GSK3B: variants seen among roughly 807,000 people sequenced by gnomAD.
GSK3B encodes glycogen synthase kinase 3 beta.
A neutral mutation model predicts 56.4 loss-of-function variants in GSK3B; 15 were observed. The observed-to-expected ratio is 0.27, with a 90% CI of 0.18 to 0.41. GSK3B has a LOEUF of 0.41. Ranked by LOEUF, GSK3B falls within the 10% of genes least tolerant of loss-of-function variation. The pLI is 1.00. For missense variants in GSK3B, 300 were observed against 513.4 expected (o/e 0.58, Z 4.02); for synonymous variants, 181 against 188.9 (o/e 0.96, Z 0.34).
At chr3:119,835,290 T>A (rs1201877773) in intron 10 of GSK3B, among the ~76,000 whole-genome samples, 1 of 152,208 alleles carries the variant, frequency 6.6e-6, no homozygotes, top group Non-Finnish European at 1.5e-5. Flanking sequence ...AATTTGACAT[T>A]AAACTTTAAA....
intron 10 of GSK3B, among the ~76,000 whole-genome samples, chr3:119,833,711 T>TTTTTAGACAGG (rs2055641818): frequency 6.7e-6 from 1 of 149,448 alleles, no homozygotes; most frequent in Non-Finnish European, 1.5e-5. Flanking sequence ...TTTTTTTTTT[T>TTTTTAGACAGG]TTTAGACAGG....
At chr3:120,065,660 A>G (rs2058271960) in intron 1 of GSK3B, among the ~76,000 whole-genome samples, 1 of 152,230 alleles carries the variant, frequency 6.6e-6, no homozygotes, top group Non-Finnish European at 1.5e-5. Flanking sequence ...TTGTACACAA[A>G]TGTTCACAGC....
At chr3:119,863,734 G>A (rs2056140130) in intron 8 of GSK3B, 129 bp from the exon 9 acceptor site, 1 of 609,764 alleles carries the variant, frequency 1.6e-6, no homozygotes, top group Non-Finnish European at 2.9e-6. Flanking sequence ...GGACCTTCTA[G>A]AATGGAAAGA....
At chr3:119,994,984 A>C (rs2057600660) in intron 2 of GSK3B, among the ~76,000 whole-genome samples, 1 of 152,098 alleles carries the variant, frequency 6.6e-6, no homozygotes, top group South Asian at 2.1e-4. Flanking sequence ...GACACTGAAT[A>C]ATTTAGGGAT....
At chr3:120,029,336 A>T in intron 1 of GSK3B, 2 of 743,906 alleles carry the variant, frequency 2.7e-6, no homozygotes, top group Non-Finnish European at 5.0e-6. Flanking sequence ...CATCTAATCC[A>T]GCCTCAAAAG....
At chr3:119,843,411 A>G in intron 9 of GSK3B, 58 bp from the exon 10 acceptor site, 2 of 912,572 alleles carry the variant, frequency 2.2e-6, no homozygotes, top group Non-Finnish European at 3.5e-6. Context: ...ATGCAAAACT[A>G]TTTTATTGGT....
At chr3:119,984,715 A>G (rs969833958) in intron 2 of GSK3B, among the ~76,000 whole-genome samples, 1 of 152,224 alleles carries the variant, frequency 6.6e-6, no homozygotes, top group Non-Finnish European at 1.5e-5. Context: ...AAATTGAGGC[A>G]ATGATTAATA....
intron 1 of GSK3B, among the ~76,000 whole-genome samples, chr3:120,056,508 T>A (rs1421293235): frequency 6.6e-6 from 1 of 152,070 alleles, no homozygotes; most frequent in African/African-American, 2.4e-5. Context: ...CCCAGCTAAT[T>A]TTTGTATTTT....
rs2055443443 is a variant in GSK3B at position 119,823,309 on chromosome 3, G to A, written c.*3479C>T. ...TATTTCATTGAGCAAGGGTAGAGAT[G>A]GCGGGAGGGAGGAAATGGGCTAAGA... On this transcript the variant is annotated 3_prime_UTR_variant, in exon 11 of 11. Transcript: ENST00000264235. The A allele has an allele frequency of 9.6e-6, 2 of 208,196 alleles. No homozygotes were observed. The highest frequency in any genetic ancestry group is 4.6e-5 in the African/African-American group (2 of 43,956). The allele number at this position is 208,196 out of a possible 1,614,324, so 12.9% of individuals were successfully genotyped here.
At chr3:119,955,636 T>C (rs1231168696) in intron 2 of GSK3B, among the ~76,000 whole-genome samples, 2 of 144,080 alleles carry the variant, frequency 1.4e-5, no homozygotes, top group Non-Finnish European at 3.0e-5. Flanking sequence ...GATTGGTTTT[T>C]TTTGCTTTTG....
At chr3:119,913,863 A>C (rs572769876) in intron 5 of GSK3B, among the ~76,000 whole-genome samples, 1 of 152,232 alleles carries the variant, frequency 6.6e-6, no homozygotes, top group South Asian at 2.1e-4. Flanking sequence ...TAACCATTTC[A>C]TAAATTAATA....
intron 7 of GSK3B, among the ~76,000 whole-genome samples, chr3:119,882,455 A>G (rs2056390739): frequency 6.6e-6 from 1 of 152,102 alleles, no homozygotes; most frequent in Non-Finnish European, 1.5e-5. Context: ...TCCACTATCC[A>G]TATTCTCCAA....
At chr3:119,830,943 T>C (rs1051066422) in intron 10 of GSK3B, among the ~76,000 whole-genome samples, 4 of 152,144 alleles carry the variant, frequency 2.6e-5, no homozygotes, top group Non-Finnish European at 4.4e-5. Context: ...AAAATACATA[T>C]ATTTATAATC....
At chr3:119,891,770 G>A (rs2056504923) in intron 7 of GSK3B, among the ~76,000 whole-genome samples, 2 of 152,004 alleles carry the variant, frequency 1.3e-5, no homozygotes, top group African/African-American at 4.8e-5. Context: ...TACAAAAGAG[G>A]GGGGAATTTT....
chr3:120,023,566 C>G (rs2057897622), intron 1 of GSK3B, among the ~76,000 whole-genome samples: 1 of 152,026 alleles, frequency 6.6e-6, no homozygotes, highest in Admixed American at 6.6e-5. Context: ...GCCATCTGAC[C>G]TATTACTCTT....
chr3:119,926,862 T>C (rs2056893840), intron 3 of GSK3B, among the ~76,000 whole-genome samples: 1 of 152,198 alleles, frequency 6.6e-6, no homozygotes. Flanking sequence ...GTTACCTTCT[T>C]AGTATGGCTT....
intron 1 of GSK3B, among the ~76,000 whole-genome samples, chr3:120,030,294 C>T (rs572844559): frequency 2.6e-5 from 4 of 152,236 alleles, no homozygotes; most frequent in Middle Eastern, 6.8e-3. Flanking sequence ...ATTCCCAGAT[C>T]TTTAAATACA....
chr3:119,976,765 CAAAA>C (rs563133631), intron 2 of GSK3B, among the ~76,000 whole-genome samples: 56 of 83,100 alleles, frequency 6.7e-4, no homozygotes, highest in African/African-American at 1.7e-3. Context: ...CCACTCCCCA[CAAAA>C]AAAAAAAAAA....
intron 2 of GSK3B, among the ~76,000 whole-genome samples, chr3:119,993,633 T>C (rs570089730): frequency 2.6e-5 from 4 of 152,274 alleles, no homozygotes; most frequent in East Asian, 1.9e-4. Flanking sequence ...TAAGTAAATA[T>C]ATTGTGGATA....
Sources: gnomAD v4.1 joint callset for allele counts (sites outside exome capture counted in the v4.1 genomes callset) on GRCh38, gnomAD v4.1.1 for gene constraint, MANE v1.5 for transcripts, NCBI Gene and HGNC (gene_info 2026-07-23, HGNC 2026-07-21) for gene names.